The following USP34 variants were observed in gnomAD, a reference collection of about 807,000 sequenced individuals.
USP34 encodes the protein ubiquitin carboxyl-terminal hydrolase 34.
Under a neutral mutation model 460.3 loss-of-function variants are expected in USP34, and 70 were observed. The observed-to-expected ratio is 0.15, with a 90% CI of 0.13 to 0.19. USP34 has a LOEUF of 0.19. Among genes scored for constraint, USP34 ranks in the 10% least tolerant of loss-of-function variants. The pLI is 1.00. For missense variants in USP34, 3,985 were observed against 4,236.2 expected (o/e 0.94, Z 1.65); for synonymous variants, 1,647 against 1,405.3 (o/e 1.17, Z -3.85).
At chr2:61,223,007 G>A (rs957188230) in intron 64 of USP34, 53 bp downstream of exon 64, 3 of 1,476,532 alleles carry the variant, frequency 2.0e-6, no homozygotes, top group Non-Finnish European at 2.8e-6. Context: ...AGATTTCAGG[G>A]TATTCTTTTT....
At chr2:61,362,416 T>C (rs1036362687) in intron 10 of USP34, among the ~76,000 whole-genome samples, 1 of 152,148 alleles carries the variant, frequency 6.6e-6, no homozygotes, top group African/African-American at 2.4e-5. Flanking sequence ...TAAACATCTT[T>C]CCACAGATGA....
chr2:61,336,512 A>G (rs530299160), intron 18 of USP34, among the ~76,000 whole-genome samples: 1 of 149,906 alleles, frequency 6.7e-6, no homozygotes, highest in Non-Finnish European at 1.5e-5. Context: ...CACAAAGAGA[A>G]AAAAAAAAAA....
intron 3 of USP34, among the ~76,000 whole-genome samples, chr2:61,400,959 G>A (rs1050638698): frequency 2.6e-5 from 4 of 151,956 alleles, no homozygotes; most frequent in Non-Finnish European, 5.9e-5. Context: ...AGACCATCCT[G>A]GCCAACATGG....
chr2:61,442,613 G>A (rs750508925), intron 1 of USP34, among the ~76,000 whole-genome samples: 2 of 152,084 alleles, frequency 1.3e-5, no homozygotes, highest in South Asian at 2.1e-4. Flanking sequence ...AATAACAAAT[G>A]CTGGCAAGGA....
chr2:61,325,226 A>T, intron 21 of USP34, 149 bp downstream of exon 21: 1 of 534,656 alleles, frequency 1.9e-6, no homozygotes, highest in Non-Finnish European at 3.2e-6. Flanking sequence ...TTGTTACAAT[A>T]CCCTGTAACA....
At chr2:61,382,863 CT>C (rs1037930224) in intron 6 of USP34, among the ~76,000 whole-genome samples, 2 of 152,178 alleles carry the variant, frequency 1.3e-5, no homozygotes, top group Non-Finnish European at 2.9e-5. Flanking sequence ...TCCTATAATA[CT>C]TATCACTTTC....
At chr2:61,455,546 G>A (rs944151441) in intron 1 of USP34, among the ~76,000 whole-genome samples, 1 of 152,066 alleles carries the variant, frequency 6.6e-6, no homozygotes, top group Non-Finnish European at 1.5e-5. Context: ...TCTGAGTCAG[G>A]AGGATCATTT....
chr2:61,345,257 G>A (rs565316874), intron 15 of USP34, among the ~76,000 whole-genome samples: 35 of 149,168 alleles, frequency 2.3e-4, no homozygotes, highest in African/African-American at 8.4e-4. Flanking sequence ...CTGAACAACA[G>A]AGTGTGACTG....
At chr2:61,246,061 T>C (rs1688410008) in intron 50 of USP34, among the ~76,000 whole-genome samples, 1 of 152,130 alleles carries the variant, frequency 6.6e-6, no homozygotes, top group Non-Finnish European at 1.5e-5. Context: ...AAGATAAGAG[T>C]TGAAATGTTG....
chr2:61,329,602 T>C (rs373989489), intron 20 of USP34, among the ~76,000 whole-genome samples: 52 of 152,296 alleles, frequency 3.4e-4, no homozygotes, highest in African/African-American at 7.2e-4. Context: ...GTTGAGTTCA[T>C]AGACAGTCCA....
intron 10 of USP34, among the ~76,000 whole-genome samples, chr2:61,366,170 C>G (rs1038655430): frequency 6.6e-6 from 1 of 152,182 alleles, no homozygotes; most frequent in Non-Finnish European, 1.5e-5. Context: ...GTGATCCGCC[C>G]ACGTTGGCCT....
chr2:61,311,776 G>A lies in USP34; in HGVS notation c.3669+8C>T, dbSNP rs1294036704. ...TTATCAACTTCGAAATTAAAACTATGTAAGTACCTTGTCAGGAAGTCCAGC... is the reference window on the plus strand; with the variant it reads ...TTATCAACTTCGAAATTAAAACTATATAAGTACCTTGTCAGGAAGTCCAGC... On this transcript the variant is annotated splice_region_variant and intron_variant, in intron 26 of 79. Coordinates refer to ENST00000398571, the MANE Select transcript of USP34 (RefSeq NM_014709.4). The A allele has an allele frequency of 1.9e-6, 3 of 1,613,246 alleles. No homozygotes were observed. The highest frequency in any genetic ancestry group is 1.3e-5 in the African/African-American group (1 of 75,012).
chr2:61,301,604 A>T, intron 27 of USP34, 150 bp from the exon 28 acceptor site: 1 of 687,682 alleles, frequency 1.5e-6, no homozygotes, highest in Non-Finnish European at 2.4e-6. Context: ...GATTGAGGAT[A>T]GTTATTTCTA....
At chr2:61,324,378 C>CT (rs1167677270) in intron 21 of USP34, among the ~76,000 whole-genome samples, 2 of 152,144 alleles carry the variant, frequency 1.3e-5, no homozygotes, top group Non-Finnish European at 2.9e-5. Flanking sequence ...CTCCATCACC[C>CT]ATAAAGCCAA....
rs921343570 is a variant in USP34, at chr2:61,348,326, T to C, written c.1829A>G (p.Gln610Arg). Reference sequence around the variant, plus strand: ...TTCAATATCTGCAATGTCTTCTGACTGTACCTCACTGCCAGGGCTCCCAGC... The same window carrying C: ...TTCAATATCTGCAATGTCTTCTGACCGTACCTCACTGCCAGGGCTCCCAGC... ...QSAGSPGSEV[Q>R]SEDIADIEAL... Residue 610 changes from glutamine (Q) to arginine (R), a missense_variant, in exon 15 of 80, where the codon CAG (glutamine) becomes CGG (arginine). By Grantham distance (43) the Gln-to-Arg change is conservative. Transcript: ENST00000398571. 2.5e-6 allele frequency: 4 copies of C among 1,614,210 alleles called. No individual in the cohort carries two copies. Among genetic ancestry groups the C allele is most frequent in the South Asian group, 2.2e-5 (2 of 91,084 alleles).
At chr2:61,416,652 C>T (rs1022532262) in intron 2 of USP34, among the ~76,000 whole-genome samples, 4 of 152,082 alleles carry the variant, frequency 2.6e-5, no homozygotes, top group African/African-American at 9.7e-5. Context: ...TTTGCAGATC[C>T]GTATATTCCC....
At chr2:61,378,912 C>CAAAAAAAAAAAAAAAAA (rs1491197501) in intron 7 of USP34, among the ~76,000 whole-genome samples, 3 of 8,628 alleles carry the variant, frequency 3.5e-4, no homozygotes, top group Non-Finnish European at 6.3e-4. Flanking sequence ...CTCAAAAAAA[C>CAAAAAAAAAAAAAAAAA]GAAAAAAAAA....
chr2:61,349,844 A>AAAC (rs143680445), intron 12 of USP34, among the ~76,000 whole-genome samples: 1,734 of 148,942 alleles, frequency 0.012, 24 homozygotes, highest in African/African-American at 0.034. Flanking sequence ...CCGTCTCAAA[A>AAAC]AACAACAACA....
chr2:61,442,417 A>AAAAG (rs1553392277), intron 1 of USP34, among the ~76,000 whole-genome samples: 1 of 151,670 alleles, frequency 6.6e-6, no homozygotes, highest in African/African-American at 2.4e-5. Context: ...AAAAAAAAAA[A>AAAAG]AAAAGAAAAA....
Sources: gnomAD v4.1 joint callset for allele counts (sites outside exome capture counted in the v4.1 genomes callset) on GRCh38, gnomAD v4.1.1 for gene constraint, MANE v1.5 for transcripts, NCBI Gene and HGNC (gene_info 2026-07-23, HGNC 2026-07-21) for gene names.